GALNTL6: variants seen among roughly 807,000 people sequenced by gnomAD.
The protein encoded by GALNTL6 is polypeptide N-acetylgalactosaminyltransferase-like 6.
Under a neutral mutation model 73.7 loss-of-function variants are expected in GALNTL6, and 46 were observed. The ratio of observed to expected loss-of-function variants is 0.62; its 90% CI spans 0.49 to 0.80. GALNTL6 has a LOEUF of 0.80. GALNTL6 is among the 30% of genes least tolerant of loss of function. GALNTL6 has a pLI of 0.00. For synonymous variants in GALNTL6, 259 were observed against 263.7 expected, an observed-to-expected ratio of 0.98 and a Z score of 0.17; for missense variants, 604 against 755.0, an observed-to-expected ratio of 0.80 and a Z score of 2.34.
chr4:172,770,127 G>A lies in GALNTL6; in HGVS notation c.554-39234G>A, dbSNP rs971052043. Among the ~76,000 whole-genome samples, 7 of 152,072 alleles carry A rather than the reference G, an allele frequency of 4.6e-5. No homozygotes were observed. In the East Asian group the frequency reaches 5.8e-4, roughly 13 times the overall value. On this transcript the variant is annotated intron_variant, in intron 5 of 12. Coordinates refer to ENST00000506823, the MANE Select transcript of GALNTL6 (RefSeq NM_001034845.3). Reference sequence around the variant, plus strand: ...AAAAATAAAAAAAAATTAGCTGGGCGTTGTGGTGCACACCTGTAACCCCAG... The same window carrying A: ...AAAAATAAAAAAAAATTAGCTGGGCATTGTGGTGCACACCTGTAACCCCAG...
At chr4:172,122,538 T>G (rs1206967625) in intron 2 of GALNTL6, among the ~76,000 whole-genome samples, 1 of 152,160 alleles carries the variant, frequency 6.6e-6, no homozygotes, top group African/African-American at 2.4e-5. Context: ...CCAGTTCCCA[T>G]TTTTAGTAAT....
At chr4:172,606,810 G>C (rs574411586) in intron 5 of GALNTL6, among the ~76,000 whole-genome samples, 1 of 150,662 alleles carries the variant, frequency 6.6e-6, no homozygotes, top group African/African-American at 2.4e-5. Flanking sequence ...GAGGAGTATC[G>C]AGCTTCAGAA....
At chr4:171,892,083 A>G (rs773441808) in intron 2 of GALNTL6, among the ~76,000 whole-genome samples, 3 of 152,214 alleles carry the variant, frequency 2.0e-5, no homozygotes, top group Non-Finnish European at 4.4e-5. Context: ...TTTCATGCAC[A>G]CAATTATTTA....
At chr4:173,026,869 T>C (rs1223183886) in intron 12 of GALNTL6, among the ~76,000 whole-genome samples, 1 of 152,184 alleles carries the variant, frequency 6.6e-6, no homozygotes, top group Non-Finnish European at 1.5e-5. Context: ...GGGTTTTGTG[T>C]TCTGTTTAGG....
intron 5 of GALNTL6, among the ~76,000 whole-genome samples, chr4:172,789,394 T>G (rs1354965174): frequency 6.6e-6 from 1 of 152,268 alleles, no homozygotes; most frequent in African/African-American, 2.4e-5. Flanking sequence ...CAAACTTTCT[T>G]AAAATATTAT....
chr4:172,931,217 C>T lies in GALNTL6; in HGVS notation c.1098C>T (p.Ile366=), dbSNP rs1263287131. 6.2e-7 allele frequency: 1 copy of T among 1,612,554 alleles called. No individual in the cohort carries two copies. The highest frequency in any genetic ancestry group is 8.5e-7 in the Non-Finnish European group (1 of 1,178,724). Residue 366 remains isoleucine, a synonymous_variant, in exon 9 of 13, where the codon ATC becomes ATT. Coordinates refer to ENST00000506823, the MANE Select transcript of GALNTL6 (RefSeq NM_001034845.3). ...TTCCATGTTCTAGAGTTGGTCATAT[C>T]TACAGGAAGTACGTTCCATACAAAG... ...FDVPCSRVGH[I]YRKYVPYKVP...
intron 2 of GALNTL6, among the ~76,000 whole-genome samples, chr4:171,896,219 TTCTGTTTTAATTA>T (rs1217059790): frequency 1.3e-5 from 2 of 152,242 alleles, no homozygotes; most frequent in Admixed American, 1.3e-4. Flanking sequence ...AAGCATAACA[TTCTGTTTTAATTA>T]TTTATTTTAT....
At chr4:172,579,214 T>G (rs1737072669) in intron 5 of GALNTL6, among the ~76,000 whole-genome samples, 1 of 152,228 alleles carries the variant, frequency 6.6e-6, no homozygotes, top group Admixed American at 6.5e-5. Context: ...TACAGGAAAC[T>G]AACACATTTC....
intron 8 of GALNTL6, among the ~76,000 whole-genome samples, chr4:172,905,487 T>G (rs539642322): frequency 6.6e-6 from 1 of 151,990 alleles, no homozygotes; most frequent in East Asian, 1.9e-4. Flanking sequence ...AATCATTGAG[T>G]ACAGAGCATT....
At chr4:172,169,683 G>T (rs1419859061) in intron 2 of GALNTL6, among the ~76,000 whole-genome samples, 2 of 152,058 alleles carry the variant, frequency 1.3e-5, no homozygotes, top group African/African-American at 2.4e-5. Context: ...ATCCAACTAA[G>T]ATTTTAGTTA....
At chr4:173,031,081 C>T (rs542328660) in intron 12 of GALNTL6, among the ~76,000 whole-genome samples, 28 of 152,052 alleles carry the variant, frequency 1.8e-4, no homozygotes, top group Admixed American at 7.9e-4. Context: ...AGTCACTGGC[C>T]CCACTGTGGA....
chr4:172,790,863 C>T (rs1238758803), intron 5 of GALNTL6, among the ~76,000 whole-genome samples: 4 of 145,046 alleles, frequency 2.8e-5, no homozygotes, highest in Non-Finnish European at 6.0e-5. Flanking sequence ...CACACTACTG[C>T]ACTCCAGCCT....
At chr4:172,417,660 T>TA (rs1171856394) in intron 5 of GALNTL6, among the ~76,000 whole-genome samples, 39 of 152,024 alleles carry the variant, frequency 2.6e-4, no homozygotes, top group Non-Finnish European at 5.0e-4. Flanking sequence ...AAAAAAATAA[T>TA]AAAAAAATTA....
intron 2 of GALNTL6, among the ~76,000 whole-genome samples, chr4:172,170,508 G>GTTT (rs1197633372): frequency 4.5e-4 from 54 of 120,058 alleles, no homozygotes; most frequent in Non-Finnish European, 6.3e-4. Flanking sequence ...TTCTTTGGTG[G>GTTT]TTTTTTTTTT....
chr4:172,354,014 A>G (rs896656784), intron 5 of GALNTL6, among the ~76,000 whole-genome samples: 5 of 152,172 alleles, frequency 3.3e-5, no homozygotes, highest in African/African-American at 1.2e-4. Context: ...TCGAAGTTGG[A>G]AGATATCAGT....
At position 171,972,066 on chromosome 4, in the gene GALNTL6, T is replaced by A. The variant is rs113975928; in HGVS notation, c.138+157348T>A. On this transcript the variant is annotated intron_variant, in intron 2 of 12. Coordinates refer to ENST00000506823, the MANE Select transcript of GALNTL6 (RefSeq NM_001034845.3). ...CAATAATTCTCTGAAGCAAGACCCA[T>A]TGTGTGAGCATTATTTCAGCCTCTG... Among the ~76,000 whole-genome samples the A allele has an allele frequency of 4.8e-3, 735 of 152,252 alleles. 7 individuals are homozygous for A. The highest frequency in any genetic ancestry group is 0.016 in the African/African-American group (683 of 41,550).
At chr4:172,883,565 G>T (rs1291863113) in intron 8 of GALNTL6, among the ~76,000 whole-genome samples, 12 of 152,164 alleles carry the variant, frequency 7.9e-5, no homozygotes, top group Admixed American at 7.9e-4. Flanking sequence ...CCAGCAAGGG[G>T]ATGGCGCTAA....
chr4:172,309,754 G>A (rs1740281756), intron 3 of GALNTL6, among the ~76,000 whole-genome samples: 1 of 119,572 alleles, frequency 8.4e-6, no homozygotes, highest in African/African-American at 2.5e-5. Flanking sequence ...TTTAAAAATA[G>A]TTCAGTTTGG....
At chr4:172,778,125 G>A (rs1486684237) in intron 5 of GALNTL6, among the ~76,000 whole-genome samples, 1 of 152,218 alleles carries the variant, frequency 6.6e-6, no homozygotes, top group Non-Finnish European at 1.5e-5. Context: ...AGTGGCATTG[G>A]CCATTGACGT....
Sources: allele counts gnomAD v4.1 joint callset (sites outside exome capture counted in the v4.1 genomes callset), GRCh38; gene constraint gnomAD v4.1.1; transcripts MANE v1.5; gene names NCBI Gene and HGNC (gene_info 2026-07-23, HGNC 2026-07-21).